ANKAR: variants seen among roughly 807,000 people sequenced by gnomAD.
ANKAR encodes ankyrin and armadillo repeat-containing protein.
In ANKAR, 136 loss-of-function variants were observed where a neutral mutation model predicts 146.2. The observed-to-expected ratio is 0.93, with a 90% CI of 0.81 to 1.07. The LOEUF is 1.07. ANKAR is among the 50% of genes least tolerant of loss of function. ANKAR has a pLI of 0.00. For missense variants in ANKAR, 1,567 were observed against 1,679.9 expected (o/e 0.93, Z 1.18); for synonymous variants, 500 against 575.8 (o/e 0.87, Z 1.88).
intron 16 of ANKAR, among the ~76,000 whole-genome samples, chr2:189,731,864 C>A (rs2042431707): frequency 6.6e-6 from 1 of 151,982 alleles, no homozygotes; most frequent in Non-Finnish European, 1.5e-5. Flanking sequence ...CCATGCCTGG[C>A]TAATTTTTTG....
At chr2:189,737,550 T>C (rs2042966958) in intron 17 of ANKAR, 133 bp from the exon 18 acceptor site, 1 of 740,846 alleles carries the variant, frequency 1.3e-6, no homozygotes, top group Admixed American at 3.9e-5. Context: ...TTATCTCTTT[T>C]CCCTAGTAAT....
chr2:189,692,949 C>T (rs988630861), intron 4 of ANKAR, 125 bp from the exon 5 acceptor site: 8 of 495,966 alleles, frequency 1.6e-5, no homozygotes, highest in South Asian at 1.5e-4. Flanking sequence ...AGCTGCTATC[C>T]GGGTCTTCTG....
intron 18 of ANKAR, chr2:189,753,155 T>A: frequency 2.2e-6 from 1 of 457,798 alleles, no homozygotes; most frequent in Non-Finnish European, 3.8e-6. Context: ...AAATTACTAA[T>A]AATTCTAATA....
rs754702973 is a variant in ANKAR at position 189,705,202 on chromosome 2, C to T, written c.1888C>T (p.Leu630=). 2 of 1,613,896 alleles carry T rather than the reference C, an allele frequency of 1.2e-6. No individual in the cohort carries two copies. Among genetic ancestry groups the T allele is most frequent in the Non-Finnish European group, 8.5e-7 (1 of 1,179,924 alleles). The change falls in exon 8 of 23, where the codon CTA becomes TTA. Residue 630 remains leucine, a synonymous_variant. Coordinates refer to ENST00000684021, the MANE Select transcript of ANKAR (RefSeq NM_001378068.1). ...IALCRKDPSL[L]EAEATAENQC... ...TCTCTGTAGGAAGGATCCTAGTTTG[C>T]TAGAAGCTGAGGCAACAGCTGAGTA...
chr2:189,723,317 T>C (rs1368787411), intron 12 of ANKAR, among the ~76,000 whole-genome samples: 1 of 152,218 alleles, frequency 6.6e-6, no homozygotes, highest in African/African-American at 2.4e-5. Context: ...CCCATTTAGC[T>C]GCTTGTATGC....
At chr2:189,705,704 T>C in intron 8 of ANKAR, among the ~76,000 whole-genome samples, 1 of 152,116 alleles carries the variant, frequency 6.6e-6, no homozygotes, top group East Asian at 1.9e-4. Flanking sequence ...ACAGGAGAAA[T>C]ATTTAGTGGT....
At chr2:189,737,883 A>G in intron 18 of ANKAR, 42 bp downstream of exon 18, 8 of 1,474,476 alleles carry the variant, frequency 5.4e-6, no homozygotes, top group Non-Finnish European at 7.2e-6. Context: ...TAAATATGTC[A>G]TTTTGTGAAA....
chr2:189,748,415 G>A (rs2044505779), downstream of ANKAR, among the ~76,000 whole-genome samples: 2 of 152,136 alleles, frequency 1.3e-5, no homozygotes, highest in South Asian at 4.1e-4. Context: ...GGAAGCTGAG[G>A]TCTCTGCTAT....
At chr2:189,680,391 T>C (rs962350498) in intron 2 of ANKAR, among the ~76,000 whole-genome samples, 1 of 152,110 alleles carries the variant, frequency 6.6e-6, no homozygotes, top group East Asian at 1.9e-4. Flanking sequence ...AAAACCAGCT[T>C]TTTGTTTCAT....
At position 189,718,745 on chromosome 2, in the gene ANKAR, C is replaced by CTTT. The variant is rs11377626; in HGVS notation, c.2225-814_2225-812dup. Among the ~76,000 whole-genome samples the CTTT allele has an allele frequency of 5.8e-3, 803 of 139,162 alleles. 18 individuals are homozygous for CTTT. The highest frequency in any genetic ancestry group is 0.02 in the African/African-American group (742 of 37,900). 91.3% of individuals were successfully genotyped at this position (139,162 alleles called of 152,430 possible). A position where few individuals can be genotyped will look rare whatever the true frequency, so the allele number is the denominator to read the frequency against. On this transcript the variant is annotated intron_variant, in intron 10 of 22. Coordinates refer to ENST00000684021, the MANE Select transcript of ANKAR (RefSeq NM_001378068.1). ...CACCTGAAGCCAGATTTTCTATTTT[C>CTTT]TTTTTTTTTTTTTTTGAGACGGAGT...
rs766802053 is a variant in ANKAR at position 189,719,779 on chromosome 2, C to G, written c.2432C>G (p.Ala811Gly). 24 of 1,592,722 alleles carry G rather than the reference C, an allele frequency of 1.5e-5. No individual in the cohort carries two copies. The highest frequency in any genetic ancestry group is 2.1e-5 in the Non-Finnish European group (24 of 1,163,422). ...SRCAVILYDIAQCENKDVIAK... is the reference protein window; with the variant it reads ...SRCAVILYDIGQCENKDVIAK... ...TGTGCTGTCATTCTATATGATATTG[C>G]TCAATGTGAAAACAAGGATGTTATT... Residue 811 changes from alanine (A) to glycine (G), a missense_variant, in exon 11 of 23, where the codon GCT (alanine) becomes GGT (glycine). Coordinates refer to ENST00000684021, the MANE Select transcript of ANKAR (RefSeq NM_001378068.1).
In ANKAR at chr2:189,732,730, G is replaced by A. The variant is rs377551570; in HGVS notation, c.3301-377G>A. On this transcript the variant is annotated intron_variant, in intron 16 of 22. Coordinates refer to ENST00000684021, the MANE Select transcript of ANKAR (RefSeq NM_001378068.1). ...CAACTCAATGGTCAGTAGTTAACAA[G>A]CAGTTCAAAATAGCTTTTTAATCCA... Among the ~76,000 whole-genome samples, 22 of 147,164 alleles carry A rather than the reference G, an allele frequency of 1.5e-4. No individual in the cohort carries two copies. The East Asian group carries it at 4.2e-3, about 28-fold the overall frequency.
intron 8 of ANKAR, among the ~76,000 whole-genome samples, chr2:189,706,013 C>T (rs150884497): frequency 1.8e-3 from 276 of 151,500 alleles, no homozygotes; most frequent in African/African-American, 6.2e-3. Flanking sequence ...CCAGCTTCCT[C>T]TTGTTGCTCT....
intron 19 of ANKAR, among the ~76,000 whole-genome samples, chr2:189,741,034 A>AT (rs1231424426): frequency 6.6e-6 from 1 of 152,206 alleles, no homozygotes; most frequent in Non-Finnish European, 1.5e-5. Context: ...GTTCATAGTT[A>AT]TTTTTAAAAC....
Position 189,730,505 on chromosome 2 carries a change from T to C in ANKAR, c.3204T>C (p.His1068=), listed in dbSNP as rs747239766. The C allele has an allele frequency of 1.3e-6, 2 of 1,598,380 alleles. No homozygotes were observed. Among genetic ancestry groups the C allele is most frequent in the South Asian group, 1.1e-5 (1 of 89,308 alleles). Residue 1068 remains histidine (H), a synonymous_variant, in exon 16 of 23, where the codon CAT becomes CAC. Coordinates refer to ENST00000684021, the MANE Select transcript of ANKAR (RefSeq NM_001378068.1). ...AVGSICIGVA[H]TSNPVSQQLV... ...CGTGGACTCTTACAGGTGTAGCCCA[T>C]ACAAGCAATCCTGTCAGTCAACAAT... is the stretch of plus-strand genomic sequence containing the variant.
chr2:189,742,098 T>C (rs1051265156), intron 20 of ANKAR, among the ~76,000 whole-genome samples: 2 of 152,198 alleles, frequency 1.3e-5, no homozygotes, highest in Admixed American at 1.3e-4. Context: ...CCCTACTCTC[T>C]TCCACTAAGG....
At chr2:189,712,038 G>C (rs899135584) in intron 10 of ANKAR, among the ~76,000 whole-genome samples, 2 of 152,222 alleles carry the variant, frequency 1.3e-5, no homozygotes, top group Admixed American at 6.5e-5. Context: ...AGCCTGGCAG[G>C]GGGAGGGGCA....
Position 189,743,369 on chromosome 2 carries a change from A to G in ANKAR, c.3905A>G (p.Gln1302Arg), listed in dbSNP as rs751633611. The G allele has an allele frequency of 6.2e-6, 10 of 1,613,650 alleles. No individual in the cohort carries two copies. Among genetic ancestry groups the G allele is most frequent in the Non-Finnish European group, 8.5e-6 (10 of 1,179,620 alleles). ...AAAGAATGCAGGAATAAACCTAATC[A>G]GTTCATTCGTATAAAAAATAATATC... Reference protein sequence around the residue: ...LLKECRNKPNQFIRIKNNISR... With the variant: ...LLKECRNKPNRFIRIKNNISR... Residue 1302 changes from glutamine (Q) to arginine (R), a missense_variant, in exon 21 of 23, where the codon CAG (glutamine) becomes CGG (arginine). By Grantham distance (43) the Gln-to-Arg change is conservative (BLOSUM62 1). Transcript: ENST00000684021.
intron 16 of ANKAR, 91 bp downstream of exon 16, chr2:189,730,692 T>C: frequency 1.8e-6 from 1 of 544,684 alleles, no homozygotes; most frequent in Non-Finnish European, 2.9e-6. Context: ...TTCATAAACA[T>C]AAAAATATTT....
Sources: allele counts gnomAD v4.1 joint callset (sites outside exome capture counted in the v4.1 genomes callset), GRCh38; gene constraint gnomAD v4.1.1; transcripts MANE v1.5; gene names NCBI Gene and HGNC (gene_info 2026-07-23, HGNC 2026-07-21).